The following IL1RAPL1 variants were observed in gnomAD, a reference collection of about 807,000 sequenced individuals.
IL1RAPL1 encodes interleukin 1 receptor accessory protein like 1.
Under a neutral mutation model 48.4 loss-of-function variants are expected in IL1RAPL1, and 3 were observed. That is an observed-to-expected ratio of 0.06 (90% confidence interval 0.03 to 0.16). The LOEUF (loss-of-function observed/expected upper bound fraction) is 0.16, where lower values mean the gene tolerates loss of function less well. Ranked by LOEUF, IL1RAPL1 falls within the 10% of genes least tolerant of loss-of-function variation. The pLI, the probability that IL1RAPL1 is intolerant of heterozygous loss-of-function variation, is 1.00. For missense variants in IL1RAPL1, 349 were observed against 530.6 expected, an observed-to-expected ratio of 0.66 and a Z score of 3.36; for synonymous variants, 185 against 187.7, an observed-to-expected ratio of 0.99 and a Z score of 0.12.
At chrX:28,759,549 C>T (rs550807181) in intron 1 of IL1RAPL1, among the ~76,000 whole-genome samples, 4 of 111,217 alleles carry the variant, frequency 3.6e-5, no homozygotes, top group South Asian at 7.6e-4. Flanking sequence ...ACTAGGATCC[C>T]GACTCATTAT....
chrX:28,890,713 A>G (rs766281719), intron 2 of IL1RAPL1, among the ~76,000 whole-genome samples: 1 of 111,885 alleles, frequency 8.9e-6, no homozygotes, highest in Non-Finnish European at 1.9e-5. Context: ...TTATTTTATA[A>G]TAAAGTCCCT....
intron 5 of IL1RAPL1, among the ~76,000 whole-genome samples, chrX:29,596,348 C>G (rs1164084657): frequency 8.9e-6 from 1 of 112,140 alleles, no homozygotes; most frequent in African/African-American, 3.2e-5. Context: ...AATATTGATT[C>G]TACTCATCCA....
In IL1RAPL1 at chrX:28,980,714, C is replaced by A. The variant is rs767865521; in HGVS notation, c.82+191289C>A. Among the ~76,000 whole-genome samples the A allele has an allele frequency of 2.1e-4, 23 of 110,279 alleles. 1 individual carries two copies. The highest frequency in any genetic ancestry group is 6.3e-4 in the African/African-American group (19 of 30,293). Reference sequence around the variant, plus strand: ...GCTAATTTTTTTTTATTTTGTACAGCATATACATTCCTTATTTCTAGCCTA... The same window carrying A: ...GCTAATTTTTTTTTATTTTGTACAGAATATACATTCCTTATTTCTAGCCTA... On this transcript the variant is annotated intron_variant, in intron 2 of 10. Transcript: ENST00000378993.
At position 29,553,664 on chromosome X, in the gene IL1RAPL1, T is replaced by C. The variant is rs750202555; in HGVS notation, c.704-114766T>C. 8.2e-4 allele frequency among the ~76,000 whole-genome samples: 91 copies of C among 111,192 alleles called. 1 individual carries two copies. The highest frequency in any genetic ancestry group is 2.9e-3 in the African/African-American group (90 of 30,597). ...GATAAAGCTTTTTCCTCCTGGAAAA[T>C]AGGACTGTATTATGGAGAACACTCA... On this transcript the variant is annotated intron_variant, in intron 5 of 10. Transcript: ENST00000378993.
chrX:29,558,349 A>G (rs1210158037), intron 5 of IL1RAPL1, among the ~76,000 whole-genome samples: 1 of 112,034 alleles, frequency 8.9e-6, no homozygotes, highest in Non-Finnish European at 1.9e-5. Context: ...AGAAACATAT[A>G]TTAAATTCTT....
At chrX:29,500,287 A>T (rs192574830) in intron 5 of IL1RAPL1, among the ~76,000 whole-genome samples, 1,482 of 112,234 alleles carry the variant, frequency 0.013, 22 homozygotes, top group African/African-American at 0.046. Context: ...AGCCAGAATT[A>T]TTCTTTTGTA....
chrX:29,188,806 C>T (rs192023298), intron 2 of IL1RAPL1, among the ~76,000 whole-genome samples: 9 of 110,419 alleles, frequency 8.2e-5, no homozygotes, highest in Non-Finnish European at 1.5e-4. Flanking sequence ...AGGCTGGTCT[C>T]GAACTCCTAA....
At chrX:29,340,361 C>T (rs755505476) in intron 3 of IL1RAPL1, among the ~76,000 whole-genome samples, 1 of 111,266 alleles carries the variant, frequency 9.0e-6, no homozygotes, top group East Asian at 2.8e-4. Context: ...ACCCCCAGCT[C>T]TTGGCAATTA....
intron 8 of IL1RAPL1, among the ~76,000 whole-genome samples, chrX:29,937,666 A>G (rs1933054750): frequency 8.9e-6 from 1 of 111,863 alleles, no homozygotes; most frequent in Non-Finnish European, 1.9e-5. Flanking sequence ...ACACTCCTGC[A>G]TAGAAATATT....
At chrX:29,230,524 A>AC (rs1555978828) in intron 2 of IL1RAPL1, among the ~76,000 whole-genome samples, 45 of 96,976 alleles carry the variant, frequency 4.6e-4, no homozygotes, top group African/African-American at 1.7e-3. Flanking sequence ...AAAAAAAAAA[A>AC]AAAAAAAAAA....
chrX:28,953,149 T>C (rs1429958937), intron 2 of IL1RAPL1, among the ~76,000 whole-genome samples: 1 of 111,668 alleles, frequency 9.0e-6, no homozygotes, highest in East Asian at 2.8e-4. Context: ...GCCAGTGAAA[T>C]TGGTGGTGTT....
At chrX:28,621,274 G>C (rs898554002) in intron 1 of IL1RAPL1, among the ~76,000 whole-genome samples, 1 of 112,183 alleles carries the variant, frequency 8.9e-6, no homozygotes, top group Non-Finnish European at 1.9e-5. Flanking sequence ...AATACCACAG[G>C]CTACATAGAT....
chrX:28,816,074 G>A (rs1295432483), intron 2 of IL1RAPL1, among the ~76,000 whole-genome samples: 1 of 104,324 alleles, frequency 9.6e-6, no homozygotes, highest in East Asian at 3.1e-4. Flanking sequence ...GTTTTTTGAG[G>A]AAACTCCATG....
chrX:29,047,826 C>T (rs1179570620), intron 2 of IL1RAPL1, among the ~76,000 whole-genome samples: 1 of 109,395 alleles, frequency 9.1e-6, no homozygotes, highest in Non-Finnish European at 1.9e-5. Flanking sequence ...TGGGTTCAAG[C>T]GATCCTCCTG....
chrX:29,592,530 T>C (rs975945161), intron 5 of IL1RAPL1, among the ~76,000 whole-genome samples: 1 of 111,436 alleles, frequency 9.0e-6, no homozygotes, highest in African/African-American at 3.3e-5. Context: ...AAATAGTAAA[T>C]GAAGTCAACA....
chrX:28,856,516 C>T (rs1195471441), intron 2 of IL1RAPL1, among the ~76,000 whole-genome samples: 3 of 111,379 alleles, frequency 2.7e-5, no homozygotes, highest in Admixed American at 9.6e-5. Context: ...TTGTACAGTA[C>T]GTCTATCAAT....
At chrX:29,721,351 G>A (rs1443488717) in intron 6 of IL1RAPL1, among the ~76,000 whole-genome samples, 1 of 111,830 alleles carries the variant, frequency 8.9e-6, no homozygotes, top group African/African-American at 3.3e-5. Flanking sequence ...CCAGGACAGA[G>A]CCACTATATC....
intron 2 of IL1RAPL1, among the ~76,000 whole-genome samples, chrX:29,111,672 AT>A (rs776151442): frequency 9.0e-6 from 1 of 111,260 alleles, no homozygotes; most frequent in Non-Finnish European, 1.9e-5. Flanking sequence ...ATGCCATATT[AT>A]TTTCCAAAAT....
rs181899855 is a variant in IL1RAPL1 at position 29,605,169 on chromosome X, G to C, written c.704-63261G>C. 2.9e-3 allele frequency among the ~76,000 whole-genome samples: 315 copies of C among 109,879 alleles called. 1 individual carries two copies. The highest frequency in any genetic ancestry group is 9.9e-3 in the African/African-American group (299 of 30,199). ...GGAAGGAGGGAGAGAGAGAGACAGA[G>C]AGAAAGAGAAAGGTCTCTTTTCCTC... On this transcript the variant is annotated intron_variant, in intron 5 of 10. Coordinates refer to ENST00000378993, the MANE Select transcript of IL1RAPL1 (RefSeq NM_014271.4).
Sources: gnomAD v4.1 joint callset for allele counts (sites outside exome capture counted in the v4.1 genomes callset) on GRCh38, gnomAD v4.1.1 for gene constraint, MANE v1.5 for transcripts, NCBI Gene and HGNC (gene_info 2026-07-23, HGNC 2026-07-21) for gene names.